The following TPH2 variants were observed in gnomAD, a reference collection of about 807,000 sequenced individuals.
TPH2 encodes the protein tryptophan 5-hydroxylase 2.
Under a neutral mutation model 59.1 loss-of-function variants are expected in TPH2, and 27 were observed. The observed-to-expected ratio is 0.46, with a 90% CI of 0.34 to 0.63. TPH2 has a LOEUF of 0.63. Among genes scored for constraint, TPH2 ranks in the 30% least tolerant of loss-of-function variants. The pLI, the probability that TPH2 is intolerant of heterozygous loss-of-function variation, is 0.01. For missense variants in TPH2, 523 were observed against 588.3 expected (o/e 0.89, Z 1.15); for synonymous variants, 220 against 210.5 (o/e 1.05, Z -0.39).
intron 5 of TPH2, among the ~76,000 whole-genome samples, chr12:71,954,422 G>A (rs1871437390): frequency 6.6e-6 from 1 of 152,168 alleles, no homozygotes; most frequent in African/African-American, 2.4e-5. Context: ...AATCATCTGT[G>A]AGAGAATGTC....
At position 71,999,446 on chromosome 12, in the gene TPH2, A is replaced by G. The variant is rs1002439197; in HGVS notation, c.1068+4881A>G. ...GGCAGCATTACTCTGTTTCATACTC[A>G]TCATAGCTGTCCGAGGTCTGTGTGT... is the stretch of plus-strand genomic sequence containing the variant. On this transcript the variant is annotated intron_variant, in intron 8 of 10. Transcript: ENST00000333850. Among the ~76,000 whole-genome samples the G allele has an allele frequency of 7.9e-5, 12 of 152,340 alleles. No homozygotes were observed. The East Asian group carries it at 2.3e-3, about 29-fold the overall frequency.
intron 8 of TPH2, among the ~76,000 whole-genome samples, chr12:72,010,493 C>T (rs533307638): frequency 6.6e-6 from 1 of 152,178 alleles, no homozygotes; most frequent in African/African-American, 2.4e-5. Flanking sequence ...AGAAAAGAAA[C>T]ATGACTTCAT....
chr12:72,010,533 A>T (rs1015433076), intron 8 of TPH2, among the ~76,000 whole-genome samples: 1 of 152,190 alleles, frequency 6.6e-6, no homozygotes, highest in African/African-American at 2.4e-5. Context: ...AAGACTGCTC[A>T]GTGCAATGGA....
chr12:72,003,923 A>G (rs928691738), intron 8 of TPH2, among the ~76,000 whole-genome samples: 2 of 152,232 alleles, frequency 1.3e-5, no homozygotes, highest in African/African-American at 4.8e-5. Context: ...AAAGCAACAC[A>G]ATCCTATTTT....
At chr12:71,995,072 TG>T (rs1383705934) in intron 8 of TPH2, among the ~76,000 whole-genome samples, 1 of 152,224 alleles carries the variant, frequency 6.6e-6, no homozygotes, top group Non-Finnish European at 1.5e-5. Context: ...TTATTCTAGG[TG>T]GTTGTAGTCA....
At chr12:72,001,133 G>T (rs1229972951) in intron 8 of TPH2, among the ~76,000 whole-genome samples, 5 of 152,142 alleles carry the variant, frequency 3.3e-5, no homozygotes, top group Admixed American at 3.3e-4. Flanking sequence ...AGAATAAATC[G>T]GCCTCTGGCC....
intron 2 of TPH2, among the ~76,000 whole-genome samples, chr12:71,942,045 G>A (rs1373187247): frequency 6.6e-6 from 1 of 151,958 alleles, no homozygotes; most frequent in Non-Finnish European, 1.5e-5. Context: ...AGCCAAACAG[G>A]GTATCTTAAG....
rs764631065 is a variant in TPH2 at position 72,031,402 on chromosome 12, T to C, written c.1298+11T>C. The C allele has an allele frequency of 1.2e-5, 19 of 1,613,518 alleles. No individual in the cohort carries two copies. Among genetic ancestry groups the C allele is most frequent in the Non-Finnish European group, 1.7e-6 (2 of 1,179,620 alleles). ...CAAAGAAAAGATGAGGTAAACTTTTTTTTCCTCCTAGCTAGAGAAAATAAC... is the reference window on the plus strand; with the variant it reads ...CAAAGAAAAGATGAGGTAAACTTTTCTTTCCTCCTAGCTAGAGAAAATAAC... On this transcript the variant is annotated intron_variant, in intron 10 of 10. Coordinates refer to ENST00000333850, the MANE Select transcript of TPH2 (RefSeq NM_173353.4).
Position 72,031,834 on chromosome 12 carries a change from A to G in TPH2, c.*139A>G. 2 of 960,968 alleles carry G rather than the reference A, an allele frequency of 2.1e-6. 1 individual carries two copies. Among genetic ancestry groups the G allele is most frequent in the South Asian group, 2.7e-5 (2 of 74,958 alleles). The allele number at this position is 960,968 out of a possible 1,614,324, so 59.5% of individuals were successfully genotyped here. On this transcript the variant is annotated 3_prime_UTR_variant, in exon 11 of 11. Transcript: ENST00000333850. ...ATTCCATATATCTATACCATCTTGTAACTCACTGTGTTAGTATATAAAGCA... is the reference window on the plus strand; with the variant it reads ...ATTCCATATATCTATACCATCTTGTGACTCACTGTGTTAGTATATAAAGCA...
chr12:71,948,709 C>G lies in TPH2; in HGVS notation c.541-879C>G, dbSNP rs142530494. Among the ~76,000 whole-genome samples, 132 of 152,306 alleles carry G rather than the reference C, an allele frequency of 8.7e-4. 4 individuals carry two copies. In the East Asian group the frequency reaches 0.014, roughly 16 times the overall value. ...AGCAAGCCATTGCTTCCTGGTTATC[C>G]TTCCAGGTTGCAGGGCTGTAGTGGT... On this transcript the variant is annotated intron_variant, in intron 4 of 10. Transcript: ENST00000333850.
intron 8 of TPH2, among the ~76,000 whole-genome samples, chr12:71,999,089 C>T (rs947649305): frequency 2.0e-5 from 3 of 152,208 alleles, no homozygotes; most frequent in Admixed American, 6.5e-5. Context: ...TAGGACTAAT[C>T]GGCACCGCCA....
At chr12:71,991,360 C>A (rs1205817770) in intron 7 of TPH2, among the ~76,000 whole-genome samples, 1 of 152,180 alleles carries the variant, frequency 6.6e-6, no homozygotes, top group Non-Finnish European at 1.5e-5. Context: ...TTTGACCTAC[C>A]CTATTCTCTT....
chr12:71,950,350 G>A (rs769290266), intron 5 of TPH2, among the ~76,000 whole-genome samples: 3 of 152,124 alleles, frequency 2.0e-5, no homozygotes, highest in Non-Finnish European at 2.9e-5. Context: ...AGCGAAGGGA[G>A]ATAAGGGTGG....
intron 8 of TPH2, among the ~76,000 whole-genome samples, chr12:72,015,048 G>C (rs1290566817): frequency 6.6e-6 from 1 of 152,060 alleles, no homozygotes; most frequent in African/African-American, 2.4e-5. Context: ...CAAGATTAAG[G>C]AATCTTGGCT....
At chr12:71,964,869 A>G (rs1406753944) in intron 5 of TPH2, 1 of 452,598 alleles carries the variant, frequency 2.2e-6, no homozygotes, top group Non-Finnish European at 2.9e-6. Context: ...TGTTGTACAT[A>G]TTATTTCATC....
At chr12:71,978,464 T>C (rs930959720) in intron 6 of TPH2, among the ~76,000 whole-genome samples, 6 of 152,160 alleles carry the variant, frequency 3.9e-5, no homozygotes, top group Non-Finnish European at 8.8e-5. Flanking sequence ...GAAAACAATA[T>C]AGAGTGAAGG....
At chr12:72,015,608 C>A (rs915005583) in intron 8 of TPH2, among the ~76,000 whole-genome samples, 1 of 152,110 alleles carries the variant, frequency 6.6e-6, no homozygotes, top group African/African-American at 2.4e-5. Context: ...CGTGAGCCAC[C>A]GCGCCCGGCT....
chr12:71,972,854 C>G, intron 6 of TPH2, 139 bp downstream of exon 6: 1 of 859,000 alleles, frequency 1.2e-6, no homozygotes, highest in South Asian at 1.6e-5. Flanking sequence ...CCAACAATTA[C>G]CTGCGGCCAC....
At chr12:71,984,817 A>G (rs1872383540) in intron 7 of TPH2, among the ~76,000 whole-genome samples, 1 of 152,120 alleles carries the variant, frequency 6.6e-6, no homozygotes, top group Non-Finnish European at 1.5e-5. Context: ...CTGCTTTGTA[A>G]CTGGTGCACA....
Sources: gnomAD v4.1 joint callset for allele counts (sites outside exome capture counted in the v4.1 genomes callset) on GRCh38, gnomAD v4.1.1 for gene constraint, MANE v1.5 for transcripts, NCBI Gene and HGNC (gene_info 2026-07-23, HGNC 2026-07-21) for gene names.